WDR25: variants seen among roughly 807,000 people sequenced by gnomAD.
WDR25 encodes the protein WD repeat domain 25.
A neutral mutation model predicts 47.7 loss-of-function variants in WDR25; 35 were observed. The ratio of observed to expected loss-of-function variants is 0.73; its 90% CI spans 0.56 to 0.97. The LOEUF (loss-of-function observed/expected upper bound fraction) is 0.97. Ranked by LOEUF, WDR25 falls within the 50% of genes least tolerant of loss-of-function variation. WDR25 has a pLI of 0.00. For missense variants in WDR25, 634 were observed against 704.7 expected (o/e 0.90, Z 1.14); for synonymous variants, 248 against 278.9 (o/e 0.89, Z 1.10).
intron 1 of WDR25, among the ~76,000 whole-genome samples, chr14:100,380,395 C>G (rs1896852146): frequency 6.6e-6 from 1 of 152,128 alleles, no homozygotes; most frequent in Non-Finnish European, 1.5e-5. Context: ...ACAGATTTAC[C>G]CCCAGCTATT....
rs537380105 is a variant in WDR25 at position 100,510,370 on chromosome 14, C to T, written c.1102-15500C>T. On this transcript the variant is annotated intron_variant, in intron 4 of 6. Transcript: ENST00000402312. ...GCAGCCTGGAACTTCTGGGCTCAAG[C>T]GATCCTTCTGCCTCAATCTCCTGAG... Among the ~76,000 whole-genome samples the T allele has an allele frequency of 5.3e-5, 8 of 151,926 alleles. No individual in the cohort carries two copies. In the South Asian group the frequency reaches 1.0e-3, roughly 20 times the overall value.
At chr14:100,446,724 G>A (rs1259870742) in intron 2 of WDR25, among the ~76,000 whole-genome samples, 1 of 152,168 alleles carries the variant, frequency 6.6e-6, no homozygotes, top group East Asian at 1.9e-4. Flanking sequence ...GAGTAAGAAT[G>A]AGGAGGAGTG....
chr14:100,479,417 AT>A (rs11353115), intron 3 of WDR25, among the ~76,000 whole-genome samples: 102,609 of 149,248 alleles, frequency 0.69, 35,971 homozygotes, highest in African/African-American at 0.84. Context: ...AGAAGAGTAC[AT>A]TTTTTTTTTT....
At chr14:100,378,561 G>T (rs1896788500) in intron 1 of WDR25, among the ~76,000 whole-genome samples, 1 of 152,178 alleles carries the variant, frequency 6.6e-6, no homozygotes, top group African/African-American at 2.4e-5. Context: ...CCTCAGAATT[G>T]CTCCCTGCAC....
At chr14:100,391,646 C>T (rs559696112) in intron 2 of WDR25, among the ~76,000 whole-genome samples, 1 of 90,600 alleles carries the variant, frequency 1.1e-5, no homozygotes, top group South Asian at 5.7e-4. Flanking sequence ...TATTTTCATC[C>T]AGCCTTAAAA....
At chr14:100,405,767 C>A (rs1897517740) in intron 2 of WDR25, among the ~76,000 whole-genome samples, 1 of 152,148 alleles carries the variant, frequency 6.6e-6, no homozygotes, top group Non-Finnish European at 1.5e-5. Context: ...AGTGATTAGG[C>A]TTGGAGGAGC....
In WDR25 at chr14:100,499,097, T is replaced by G. The variant is rs1365601571; in HGVS notation, c.1101+14973T>G. 2.0e-5 allele frequency among the ~76,000 whole-genome samples: 3 copies of G among 152,192 alleles called. No individual in the cohort carries two copies. The East Asian group carries it at 5.8e-4, about 29-fold the overall frequency. ...TTTTGATTAGAAAAGGAATACATGGTCTTTGTTGGCTACTTGGGAAATGGA... is the reference window on the plus strand; with the variant it reads ...TTTTGATTAGAAAAGGAATACATGGGCTTTGTTGGCTACTTGGGAAATGGA... On this transcript the variant is annotated intron_variant, in intron 4 of 6. Coordinates refer to ENST00000402312, the MANE Select transcript of WDR25 (RefSeq NM_001161476.3). This position sits in a 1 kb window ranked among gnomAD's most constrained non-coding sequence, Gnocchi z 4.4.
chr14:100,509,320 A>G (rs1234883469), intron 4 of WDR25, among the ~76,000 whole-genome samples: 2 of 152,216 alleles, frequency 1.3e-5, no homozygotes, highest in South Asian at 4.1e-4. Context: ...CTTCTAAGGA[A>G]TTTTTCCATT....
rs2029969612 is a variant in WDR25 at position 100,523,659 on chromosome 14, C to T, written c.1102-2211C>T. Among the ~76,000 whole-genome samples the T allele has an allele frequency of 6.6e-6, 1 of 152,150 alleles. No individual in the cohort carries two copies. The highest frequency in any genetic ancestry group is 6.5e-5 in the Admixed American group (1 of 15,278). On this transcript the variant is annotated intron_variant, in intron 4 of 6. Transcript: ENST00000402312. The surrounding 1 kb of genome is among the most constrained non-coding windows in gnomAD (Gnocchi z 4.7). ...GAACCCAAGGCTGCTCTGGACGAGT[C>T]AGCAGCGGCCCAGCATCCCCCAGGT...
intron 4 of WDR25, among the ~76,000 whole-genome samples, chr14:100,517,579 C>T (rs1425502844): frequency 6.6e-6 from 1 of 152,142 alleles, no homozygotes; most frequent in East Asian, 1.9e-4. Context: ...TGTGGTGGCT[C>T]ACGCCTGTAA....
intron 2 of WDR25, among the ~76,000 whole-genome samples, chr14:100,461,220 A>G (rs1310411263): frequency 6.6e-6 from 1 of 152,122 alleles, no homozygotes; most frequent in African/African-American, 2.4e-5. Context: ...TGACTTGGAA[A>G]GAAAAGAAAA....
At chr14:100,450,977 T>A (rs1899011278) in intron 2 of WDR25, among the ~76,000 whole-genome samples, 1 of 152,166 alleles carries the variant, frequency 6.6e-6, no homozygotes, top group African/African-American at 2.4e-5. Flanking sequence ...GGGTTCCAGC[T>A]GTGCGGGTCC....
intron 3 of WDR25, among the ~76,000 whole-genome samples, chr14:100,483,680 A>G (rs1259617881): frequency 6.6e-6 from 1 of 152,160 alleles, no homozygotes; most frequent in African/African-American, 2.4e-5. Context: ...GGGTCGTTGC[A>G]TGGTTTATAT....
chr14:100,434,333 C>CA (rs1898434635), intron 2 of WDR25, among the ~76,000 whole-genome samples: 1 of 152,236 alleles, frequency 6.6e-6, no homozygotes, highest in Non-Finnish European at 1.5e-5. Context: ...CTCCCCCCTC[C>CA]AACAGTGAAA....
chr14:100,388,083 T>C (rs1897057942), intron 2 of WDR25, among the ~76,000 whole-genome samples: 1 of 152,256 alleles, frequency 6.6e-6, no homozygotes, highest in Non-Finnish European at 1.5e-5. Flanking sequence ...TTATTCTTGA[T>C]GGATTTTACA....
In WDR25 at chr14:100,484,059, C is replaced by A; in HGVS notation, c.1036C>A (p.His346Asn). 1 of 1,613,494 alleles carries A rather than the reference C, an allele frequency of 6.2e-7. No homozygotes were observed. The highest frequency in any genetic ancestry group is 1.1e-5 in the South Asian group (1 of 90,934). The change falls in exon 4 of 7, where the codon CAC becomes AAC. Residue 346 changes from histidine (H) to asparagine (N), a missense_variant. Physicochemically the swap from His to Asn is moderately conservative, Grantham distance 68. Transcript: ENST00000402312. ...ITTLKFHPKD[H>N]NIFLCGGFSS... ...TACCTTGAAATTCCATCCAAAAGAC[C>A]ACAACATCTTTTTATGTGGAGGCTT... is the stretch of plus-strand genomic sequence containing the variant.
At chr14:100,462,005 TTTTG>T (rs1386077499) in intron 2 of WDR25, among the ~76,000 whole-genome samples, 3 of 152,286 alleles carry the variant, frequency 2.0e-5, no homozygotes, top group African/African-American at 7.2e-5. Flanking sequence ...TCCTTTGGGA[TTTTG>T]TTTTTGCACT....
At chr14:100,497,672 C>G (rs1900779269) in intron 4 of WDR25, among the ~76,000 whole-genome samples, 1 of 152,160 alleles carries the variant, frequency 6.6e-6, no homozygotes, top group African/African-American at 2.4e-5. Context: ...AGGAGGTGTG[C>G]TCCAATTTAG....
intron 4 of WDR25, among the ~76,000 whole-genome samples, chr14:100,516,125 A>T (rs546737924): frequency 2.0e-4 from 31 of 151,910 alleles, no homozygotes; most frequent in Non-Finnish European, 3.5e-4. Context: ...ATATTTTGAG[A>T]GATTTTTTGG....
Sources: gnomAD v4.1 joint callset for allele counts (sites outside exome capture counted in the v4.1 genomes callset) on GRCh38, gnomAD v4.1.1 for gene constraint, Gnocchi (gnomAD v3.1) non-coding constraint, MANE v1.5 for transcripts, NCBI Gene and HGNC (gene_info 2026-07-23, HGNC 2026-07-21) for gene names.